The following LMBR1 variants were observed in gnomAD, a reference collection of about 807,000 sequenced individuals.
LMBR1 encodes limb development membrane protein 1.
A neutral mutation model predicts 73.9 loss-of-function variants in LMBR1; 52 were observed. The observed-to-expected ratio is 0.70, with a 90% CI of 0.56 to 0.89. LMBR1 has a LOEUF of 0.89. Among genes scored for constraint, LMBR1 ranks in the 40% least tolerant of loss-of-function variants. The probability of loss-of-function intolerance (pLI) is 0.00; values close to 1 mark genes in which losing one functional copy is unlikely to be tolerated. For synonymous variants in LMBR1, 215 were observed against 209.4 expected, an observed-to-expected ratio of 1.03 and a Z score of -0.23; for missense variants, 539 against 579.8, an observed-to-expected ratio of 0.93 and a Z score of 0.72.
chr7:156,725,325 A>C, intron 14 of LMBR1, 110 bp downstream of exon 14: 1 of 649,390 alleles, frequency 1.5e-6, no homozygotes, highest in South Asian at 2.5e-5. Context: ...TACGCAACTT[A>C]CAAACAAATA....
chr7:156,892,977 T>C lies in LMBR1; in HGVS notation c.17A>G (p.Glu6Gly). The C allele has an allele frequency of 6.5e-7, 1 of 1,540,734 alleles. No individual in the cohort carries two copies. The highest frequency in any genetic ancestry group is 1.9e-5 in the Admixed American group (1 of 51,538). Residue 6 changes from glutamate (E) to glycine (G), a missense_variant, in exon 1 of 17, where the codon GAG (glutamate) becomes GGG (glycine). By Grantham distance (98) the Glu-to-Gly change is moderately conservative. This residue lies in a region of LMBR1 where 454 missense variants were observed against 473.4 expected (regional missense o/e 0.96). Transcript: ENST00000353442. The stretch of plus-strand genomic sequence containing the variant: ...GAAGTGCTGCTCCCGCGCCGACACC[T>C]CGTCCTGCCCTTCCATCCTCCTTCA... MEGQDEVSAREQHFHS... is the reference protein window; with the variant it reads MEGQDGVSAREQHFHS...
chr7:156,890,541 T>A (rs1413034132), intron 1 of LMBR1, among the ~76,000 whole-genome samples: 1 of 152,142 alleles, frequency 6.6e-6, no homozygotes, highest in African/African-American at 2.4e-5. Context: ...GGGAAAAAAA[T>A]TTGACCCTTC....
At chr7:156,877,957 G>A (rs1800460116) in intron 1 of LMBR1, among the ~76,000 whole-genome samples, 1 of 150,802 alleles carries the variant, frequency 6.6e-6, no homozygotes, top group Non-Finnish European at 1.5e-5. Flanking sequence ...AAAATCACAT[G>A]ATCATCTAAA....
chr7:156,878,841 T>G (rs533716063), intron 1 of LMBR1, among the ~76,000 whole-genome samples: 1 of 152,302 alleles, frequency 6.6e-6, no homozygotes, highest in Admixed American at 6.5e-5. Flanking sequence ...AGCATGGTAC[T>G]AGTATAAAAA....
At chr7:156,727,272 AG>A (rs770821645) in intron 12 of LMBR1, among the ~76,000 whole-genome samples, 12 of 152,182 alleles carry the variant, frequency 7.9e-5, no homozygotes, top group Admixed American at 3.9e-4. Flanking sequence ...ACAATTATAC[AG>A]GGATCTCCTA....
At chr7:156,747,350 T>C (rs1235353390) in intron 9 of LMBR1, among the ~76,000 whole-genome samples, 1 of 152,134 alleles carries the variant, frequency 6.6e-6, no homozygotes, top group Non-Finnish European at 1.5e-5. Context: ...GAAAAACTAG[T>C]GTGGTATTAA....
intron 4 of LMBR1, among the ~76,000 whole-genome samples, chr7:156,802,234 C>T (rs1425466341): frequency 6.6e-6 from 1 of 152,204 alleles, no homozygotes; most frequent in Non-Finnish European, 1.5e-5. Context: ...CCACTCGCTT[C>T]GGCCTTCCAA....
chr7:156,710,135 G>A (rs1298919774), intron 15 of LMBR1, among the ~76,000 whole-genome samples: 5 of 150,512 alleles, frequency 3.3e-5, no homozygotes, highest in East Asian at 2.0e-4. Flanking sequence ...TCGATCTCCC[G>A]ACCTCGTGAT....
intron 15 of LMBR1, among the ~76,000 whole-genome samples, chr7:156,690,216 T>C (rs938193254): frequency 6.6e-6 from 1 of 152,256 alleles, no homozygotes; most frequent in Non-Finnish European, 1.5e-5. Flanking sequence ...TATGTGTATT[T>C]AATTATTTAT....
Position 156,868,783 on chromosome 7 carries a change from T to C in LMBR1, c.66+24145A>G, listed in dbSNP as rs186672511. On this transcript the variant is annotated intron_variant, in intron 1 of 16. Coordinates refer to ENST00000353442, the MANE Select transcript of LMBR1 (RefSeq NM_022458.4). The stretch of plus-strand genomic sequence containing the variant: ...GAGTTCAAGACCAGCCTGGGCAACA[T>C]GGTGAAACCCCATCTCTACAAAAAA... Among the ~76,000 whole-genome samples the C allele has an allele frequency of 4.0e-3, 613 of 152,000 alleles. 18 individuals are homozygous for C. The highest frequency in any genetic ancestry group is 0.035 in the Admixed American group (540 of 15,274).
chr7:156,814,537 T>C (rs1430466780), intron 4 of LMBR1, among the ~76,000 whole-genome samples: 1 of 152,234 alleles, frequency 6.6e-6, no homozygotes, highest in Non-Finnish European at 1.5e-5. Flanking sequence ...CTAATTTCAG[T>C]AAAATATTGA....
intron 4 of LMBR1, among the ~76,000 whole-genome samples, chr7:156,821,223 A>C (rs188949695): frequency 1.3e-5 from 2 of 152,232 alleles, no homozygotes; most frequent in Non-Finnish European, 2.9e-5. Context: ...AAGTTACATA[A>C]AGAAGTGCCG....
At chr7:156,691,681 G>C (rs902195241) in intron 15 of LMBR1, among the ~76,000 whole-genome samples, 1 of 151,932 alleles carries the variant, frequency 6.6e-6, no homozygotes, top group Admixed American at 6.6e-5. Flanking sequence ...ACAAATGGCT[G>C]ACATAAATAT....
intron 15 of LMBR1, among the ~76,000 whole-genome samples, chr7:156,694,763 C>A (rs902011347): frequency 1.3e-5 from 2 of 152,144 alleles, no homozygotes; most frequent in Non-Finnish European, 2.9e-5. Flanking sequence ...AGTGGAATTT[C>A]TATACACTAA....
chr7:156,777,360 C>T (rs1170029485), intron 5 of LMBR1, among the ~76,000 whole-genome samples: 1 of 152,144 alleles, frequency 6.6e-6, no homozygotes, highest in Non-Finnish European at 1.5e-5. Flanking sequence ...TCTGTGAGTC[C>T]CTCACCTTCC....
intron 4 of LMBR1, among the ~76,000 whole-genome samples, chr7:156,800,868 T>C (rs1177113525): frequency 6.6e-6 from 1 of 152,060 alleles, no homozygotes; most frequent in Non-Finnish European, 1.5e-5. Context: ...GCAGATGTGG[T>C]AAAAATAGCA....
intron 16 of LMBR1, among the ~76,000 whole-genome samples, chr7:156,687,449 T>C (rs1806221389): frequency 6.6e-6 from 1 of 152,236 alleles, no homozygotes; most frequent in Admixed American, 6.5e-5. Flanking sequence ...TAGGTTACGT[T>C]TGTACCCTTT....
intron 1 of LMBR1, among the ~76,000 whole-genome samples, chr7:156,891,204 AAAAAAAAATATATAT>A (rs1485881266): frequency 3.1e-5 from 3 of 98,166 alleles, no homozygotes; most frequent in African/African-American, 4.5e-5. Flanking sequence ...AAAAAAAAAA[AAAAAAAAATATATAT>A]ATATATATAT....
chr7:156,715,494 C>T (rs780072294), intron 15 of LMBR1, among the ~76,000 whole-genome samples: 25 of 152,060 alleles, frequency 1.6e-4, no homozygotes, highest in Non-Finnish European at 1.6e-4. Context: ...TGATAAAATA[C>T]ATATAACATG....
Sources: gnomAD v4.1 joint callset for allele counts (sites outside exome capture counted in the v4.1 genomes callset) on GRCh38, gnomAD v4.1.1 for gene constraint, gnomAD v4.1.1 regional missense constraint, MANE v1.5 for transcripts, NCBI Gene and HGNC (gene_info 2026-07-23, HGNC 2026-07-21) for gene names.